Variants in RSU1 observed in about 807,000 individuals in gnomAD.
RSU1 encodes rsu-1.
RSU1 carries 26 observed loss-of-function variants against 31.1 expected under a neutral mutation model. The observed-to-expected ratio is 0.84, with a 90% CI of 0.61 to 1.16. RSU1 has a LOEUF of 1.16. Among genes scored for constraint, RSU1 ranks in the 50% most tolerant of loss-of-function variants. The pLI, the probability that RSU1 is intolerant of heterozygous loss-of-function variation, is 0.00. For missense variants in RSU1, 320 were observed against 339.1 expected (o/e 0.94, Z 0.44); for synonymous variants, 164 against 136.3 (o/e 1.20, Z -1.41).
At chr10:16,653,435 A>C (rs1834721065) in intron 8 of RSU1, among the ~76,000 whole-genome samples, 1 of 152,184 alleles carries the variant, frequency 6.6e-6, no homozygotes. Flanking sequence ...TGCAAGTTTC[A>C]CATGGTAGTA....
At chr10:16,656,883 T>C (rs188559083) in intron 8 of RSU1, among the ~76,000 whole-genome samples, 55 of 152,336 alleles carry the variant, frequency 3.6e-4, no homozygotes, top group African/African-American at 1.2e-3. Context: ...AAATTAGTAA[T>C]GAGCAGGAAC....
At position 16,701,879 on chromosome 10, in the gene RSU1, C is replaced by T. The variant is rs560046330; in HGVS notation, c.599-6724G>A. ...TAATTAACCAGCAACAGAACAGTGC[C>T]ATCCTCAACAGTCACCTCCAAGGTT... On this transcript the variant is annotated intron_variant, in intron 7 of 8. Coordinates refer to ENST00000345264, the MANE Select transcript of RSU1 (RefSeq NM_012425.4). Among the ~76,000 whole-genome samples the T allele has an allele frequency of 1.1e-4, 16 of 152,306 alleles. No individual in the cohort carries two copies. The South Asian group carries it at 2.3e-3, about 22-fold the overall frequency.
intron 8 of RSU1, among the ~76,000 whole-genome samples, chr10:16,640,852 G>A (rs1834428232): frequency 6.6e-6 from 1 of 152,156 alleles, no homozygotes; most frequent in Non-Finnish European, 1.5e-5. Flanking sequence ...CCTGTCTTCA[G>A]GCACCACTGA....
At chr10:16,776,901 A>C (rs1053639581) in intron 3 of RSU1, among the ~76,000 whole-genome samples, 5 of 151,304 alleles carry the variant, frequency 3.3e-5, no homozygotes, top group Non-Finnish European at 7.4e-5. Context: ...TACTGGACAT[A>C]AGGTCATATT....
Position 16,745,993 on chromosome 10 carries a change from G to C in RSU1, c.598+6546C>G, listed in dbSNP as rs370324757. On this transcript the variant is annotated intron_variant, in intron 7 of 8. Transcript: ENST00000345264. ...TTTTCTTCTTCCCTGCCTCAGAAAA[G>C]AAAGTTATTTTTCTTTAGCTTCTTA... Among the ~76,000 whole-genome samples, 269 of 152,248 alleles carry C rather than the reference G, an allele frequency of 1.8e-3. 1 individual carries two copies. Among genetic ancestry groups the C allele is most frequent in the Admixed American group, 2.7e-3 (41 of 15,296 alleles).
chr10:16,611,753 T>C (rs1316177167), intron 8 of RSU1, among the ~76,000 whole-genome samples: 1 of 152,208 alleles, frequency 6.6e-6, no homozygotes, highest in Non-Finnish European at 1.5e-5. Flanking sequence ...GTATGACTCA[T>C]GAATACTGGG....
intron 7 of RSU1, among the ~76,000 whole-genome samples, chr10:16,726,331 A>C (rs1487493362): frequency 6.8e-6 from 1 of 146,502 alleles, no homozygotes; most frequent in Non-Finnish European, 1.5e-5. Flanking sequence ...GCAGTGGCGC[A>C]ATCTCGGCTC....
At chr10:16,675,989 G>T (rs1835222936) in intron 8 of RSU1, among the ~76,000 whole-genome samples, 2 of 152,140 alleles carry the variant, frequency 1.3e-5, no homozygotes, top group African/African-American at 2.4e-5. Flanking sequence ...CAGAAAGCTT[G>T]GTAAAGACTG....
At chr10:16,715,952 T>C (rs1836130769) in intron 7 of RSU1, among the ~76,000 whole-genome samples, 1 of 152,244 alleles carries the variant, frequency 6.6e-6, no homozygotes. Context: ...CATTTAAATA[T>C]AGGCAAGCAT....
chr10:16,661,556 T>G (rs1019483264), intron 8 of RSU1, among the ~76,000 whole-genome samples: 2 of 152,122 alleles, frequency 1.3e-5, no homozygotes, highest in African/African-American at 4.8e-5. Flanking sequence ...TCACAAATGG[T>G]TAGGAGAGGA....
Position 16,764,401 on chromosome 10 carries a change from G to A in RSU1, c.270C>T (p.His90=). The A allele has an allele frequency of 6.2e-7, 1 of 1,613,032 alleles. No individual in the cohort carries two copies. The highest frequency in any genetic ancestry group is 8.5e-7 in the Non-Finnish European group (1 of 1,179,502). The part of the protein sequence containing the change: ...TQISSLQKLK[H]LNLGMNRLNT... The stretch of plus-strand genomic sequence containing the variant: ...CCACTGATACTCACCCAAGGTTCAG[G>A]TGTTTGAGTTTCTGAAGGCTACTGA... The change falls in exon 4 of 9, where the codon CAC becomes CAT. Residue 90 remains histidine (H), a synonymous_variant. Transcript: ENST00000345264.
chr10:16,617,236 T>C (rs1365541623), intron 8 of RSU1, among the ~76,000 whole-genome samples: 2 of 152,118 alleles, frequency 1.3e-5, no homozygotes, highest in African/African-American at 2.4e-5. Flanking sequence ...CCATTCACAA[T>C]TGCTACAAAG....
At chr10:16,773,390 C>T (rs1286023327) in intron 3 of RSU1, among the ~76,000 whole-genome samples, 1 of 152,056 alleles carries the variant, frequency 6.6e-6, no homozygotes, top group Non-Finnish European at 1.5e-5. Flanking sequence ...TTGATCATTC[C>T]CTTCGAAATA....
chr10:16,713,904 G>C (rs530904999), intron 7 of RSU1, among the ~76,000 whole-genome samples: 2 of 152,222 alleles, frequency 1.3e-5, no homozygotes, highest in South Asian at 2.1e-4. Context: ...CTTTAGTTCT[G>C]GGTGGACTCA....
At chr10:16,785,405 T>A (rs938835229) in intron 2 of RSU1, among the ~76,000 whole-genome samples, 9 of 135,852 alleles carry the variant, frequency 6.6e-5, no homozygotes, top group Non-Finnish European at 1.1e-4. Context: ...TCTCTATCTT[T>A]CTATATATAT....
At chr10:16,674,632 G>C (rs78087910) in intron 8 of RSU1, among the ~76,000 whole-genome samples, 1 of 152,032 alleles carries the variant, frequency 6.6e-6, no homozygotes, top group Non-Finnish European at 1.5e-5. Flanking sequence ...AGTGGGTGGT[G>C]GGCGATGGGG....
intron 4 of RSU1, among the ~76,000 whole-genome samples, chr10:16,763,148 G>C (rs1198382843): frequency 6.6e-6 from 1 of 152,208 alleles, no homozygotes; most frequent in African/African-American, 2.4e-5. Flanking sequence ...TGAGTGGGCA[G>C]TTTCATCTGA....
intron 4 of RSU1, among the ~76,000 whole-genome samples, chr10:16,763,340 G>A (rs1000980915): frequency 2.6e-5 from 4 of 152,160 alleles, no homozygotes; most frequent in Non-Finnish European, 4.4e-5. Context: ...GCTGCTTGTG[G>A]GGAAGTCTCA....
At chr10:16,757,773 T>C (rs1398497255) in intron 4 of RSU1, among the ~76,000 whole-genome samples, 3 of 152,170 alleles carry the variant, frequency 2.0e-5, no homozygotes, top group African/African-American at 4.8e-5. Context: ...CTGAGAAGAA[T>C]TGCAAGTCAA....
Sources: gnomAD v4.1 joint callset for allele counts (sites outside exome capture counted in the v4.1 genomes callset) on GRCh38, gnomAD v4.1.1 for gene constraint, MANE v1.5 for transcripts, NCBI Gene and HGNC (gene_info 2026-07-23, HGNC 2026-07-21) for gene names.